The following IQCM variants were observed in gnomAD, a reference collection of about 807,000 sequenced individuals.
IQCM encodes IQ motif containing M, also known as IQ domain-containing protein M.
IQCM carries 45 observed loss-of-function variants against 57.6 expected under a neutral mutation model. That is an observed-to-expected ratio of 0.78 (90% CI 0.62 to 1.00). The LOEUF is 1.00. Among genes scored for constraint, IQCM ranks in the 50% least tolerant of loss-of-function variants. IQCM has a pLI of 0.00. For missense variants in IQCM, 468 were observed against 511.6 expected, an observed-to-expected ratio of 0.91 and a Z score of 0.82; for synonymous variants, 148 against 158.9, an observed-to-expected ratio of 0.93 and a Z score of 0.51.
In IQCM at chr4:149,371,350, A is replaced by C. The variant is rs552883618; in HGVS notation, c.1391-19284T>G. Among the ~76,000 whole-genome samples, 48 of 152,310 alleles carry C rather than the reference A, an allele frequency of 3.2e-4. 1 individual carries two copies. In the South Asian group the frequency reaches 9.9e-3, roughly 32 times the overall value. On this transcript the variant is annotated intron_variant, in intron 13 of 13. Coordinates refer to ENST00000636793, the MANE Select transcript of IQCM (RefSeq NM_001363507.2). The stretch of plus-strand genomic sequence containing the variant: ...CCCACTGCCACACTGGAAACAAATA[A>C]TAAAGATTTCTCTCCAATGTAGTAC...
chr4:149,808,431 T>C (rs1774272645), intron 2 of IQCM, among the ~76,000 whole-genome samples: 1 of 152,142 alleles, frequency 6.6e-6, no homozygotes, highest in African/African-American at 2.4e-5. Flanking sequence ...AGTTGGCTAA[T>C]GAGTACAAAA....
At chr4:149,556,175 T>C (rs1204457839) in intron 10 of IQCM, among the ~76,000 whole-genome samples, 1 of 152,228 alleles carries the variant, frequency 6.6e-6, no homozygotes, top group East Asian at 1.9e-4. Context: ...ATAAAGTTAT[T>C]ATAAATTACT....
intron 7 of IQCM, among the ~76,000 whole-genome samples, chr4:149,630,227 C>A (rs1757146285): frequency 6.6e-6 from 1 of 152,210 alleles, no homozygotes; most frequent in Non-Finnish European, 1.5e-5. Context: ...TACTTGTCAT[C>A]TTTGTCAGGA....
chr4:149,453,114 A>T (rs1262895753), intron 12 of IQCM, among the ~76,000 whole-genome samples: 1 of 151,656 alleles, frequency 6.6e-6, no homozygotes, highest in Non-Finnish European at 1.5e-5. Flanking sequence ...TAATCTTAAG[A>T]AACAAAGTGT....
intron 12 of IQCM, among the ~76,000 whole-genome samples, chr4:149,463,351 C>T (rs779436239): frequency 3.3e-5 from 5 of 152,176 alleles, no homozygotes; most frequent in Admixed American, 6.5e-5. Context: ...AACAAGCTTT[C>T]GTTAACACTA....
In IQCM at chr4:149,789,517, T is replaced by A. The variant is rs75791729; in HGVS notation, c.-49+25794A>T. On this transcript the variant is annotated intron_variant, in intron 2 of 13. Coordinates refer to ENST00000636793, the MANE Select transcript of IQCM (RefSeq NM_001363507.2). ...TCAATATTAACATCCAGACAAATAT[T>A]ATGAATACATACACCTTAAGAGCCA... 2.6e-5 allele frequency among the ~76,000 whole-genome samples: 4 copies of A among 152,290 alleles called. No individual in the cohort carries two copies. In the East Asian group the frequency reaches 7.7e-4, roughly 29 times the overall value.
intron 12 of IQCM, among the ~76,000 whole-genome samples, chr4:149,524,387 T>C (rs993325296): frequency 1.3e-5 from 2 of 152,134 alleles, no homozygotes; most frequent in African/African-American, 2.4e-5. Context: ...ATTTGTGCAC[T>C]GTAAGATTTA....
intron 7 of IQCM, among the ~76,000 whole-genome samples, chr4:149,647,907 A>G (rs2150127592): frequency 6.6e-6 from 1 of 152,204 alleles, no homozygotes; most frequent in Middle Eastern, 3.4e-3. Context: ...GCAGTTTTTT[A>G]TAGTGTCATT....
chr4:149,514,235 A>C (rs545483561), intron 12 of IQCM, among the ~76,000 whole-genome samples: 8 of 152,280 alleles, frequency 5.3e-5, no homozygotes, highest in Non-Finnish European at 8.8e-5. Context: ...TCCTTAAATG[A>C]TCTGCCCAAG....
intron 9 of IQCM, among the ~76,000 whole-genome samples, chr4:149,565,368 A>C (rs962930357): frequency 6.6e-6 from 1 of 152,246 alleles, no homozygotes; most frequent in Admixed American, 6.5e-5. Flanking sequence ...TGAAATGTGG[A>C]GTATGATTTT....
At chr4:149,504,059 A>G (rs1743533944) in intron 12 of IQCM, among the ~76,000 whole-genome samples, 3 of 152,148 alleles carry the variant, frequency 2.0e-5, no homozygotes, top group South Asian at 2.1e-4. Flanking sequence ...CTAGCCAATG[A>G]ATAAAAAAAA....
intron 7 of IQCM, among the ~76,000 whole-genome samples, chr4:149,634,207 A>G (rs1032113487): frequency 2.0e-5 from 3 of 152,044 alleles, no homozygotes; most frequent in African/African-American, 7.2e-5. Flanking sequence ...ACGGGGTTTC[A>G]CCATGTTGGC....
chr4:149,521,029 C>A (rs1249546540), intron 12 of IQCM, among the ~76,000 whole-genome samples: 1 of 152,152 alleles, frequency 6.6e-6, no homozygotes, highest in African/African-American at 2.4e-5. Flanking sequence ...GGACAGCTAG[C>A]TAACCCACTC....
chr4:149,709,110 T>TA (rs1394197023), intron 5 of IQCM, among the ~76,000 whole-genome samples: 1 of 152,120 alleles, frequency 6.6e-6, no homozygotes, highest in East Asian at 1.9e-4. Context: ...ATTAAGTAGT[T>TA]AAAGTTTTAT....
At chr4:149,583,856 T>A (rs191216224) in intron 9 of IQCM, among the ~76,000 whole-genome samples, 12 of 151,622 alleles carry the variant, frequency 7.9e-5, no homozygotes, top group Non-Finnish European at 1.8e-4. Context: ...TAATATAAAC[T>A]GTTTTTGATA....
At chr4:149,795,107 T>A (rs1428858350) in intron 2 of IQCM, among the ~76,000 whole-genome samples, 3 of 152,166 alleles carry the variant, frequency 2.0e-5, no homozygotes, top group Admixed American at 6.5e-5. Flanking sequence ...TAAAATTTTT[T>A]AAAATTAGTT....
intron 7 of IQCM, among the ~76,000 whole-genome samples, chr4:149,638,669 A>T (rs1438443664): frequency 2.6e-5 from 4 of 152,240 alleles, no homozygotes; most frequent in Non-Finnish European, 5.9e-5. Context: ...GTAGGATTTC[A>T]TATATCAGCT....
chr4:149,634,541 G>A (rs953617313), intron 7 of IQCM, among the ~76,000 whole-genome samples: 22 of 152,080 alleles, frequency 1.4e-4, no homozygotes, highest in Admixed American at 5.2e-4. Context: ...CATTTCGTAT[G>A]GTCATGTTTC....
intron 2 of IQCM, among the ~76,000 whole-genome samples, chr4:149,745,084 C>T (rs1377306188): frequency 6.6e-6 from 1 of 152,114 alleles, no homozygotes; most frequent in Non-Finnish European, 1.5e-5. Flanking sequence ...CTGGCCAGTA[C>T]ACCCCTGTGG....
Sources: gnomAD v4.1 joint callset for allele counts (sites outside exome capture counted in the v4.1 genomes callset) on GRCh38, gnomAD v4.1.1 for gene constraint, MANE v1.5 for transcripts, NCBI Gene and HGNC (gene_info 2026-07-23, HGNC 2026-07-21) for gene names.